Variants in RBBP8 observed in about 807,000 individuals in gnomAD.
The protein encoded by RBBP8 is DNA endonuclease RBBP8.
In RBBP8, 88 loss-of-function variants were observed where a neutral mutation model predicts 108.3. That is an observed-to-expected ratio of 0.81 (90% CI 0.68 to 0.97). The LOEUF is 0.97. RBBP8 is among the 50% of genes least tolerant of loss of function. The probability of loss-of-function intolerance (pLI) is 0.00; values close to 1 mark genes in which losing one functional copy is unlikely to be tolerated. For missense variants in RBBP8, 1,023 were observed against 1,049.0 expected, an observed-to-expected ratio of 0.98 and a Z score of 0.34; for synonymous variants, 332 against 348.2, an observed-to-expected ratio of 0.95 and a Z score of 0.52.
intron 2 of RBBP8, 136 bp from the exon 3 acceptor site, chr18:22,946,308 A>C: frequency 3.5e-6 from 4 of 1,142,582 alleles, no homozygotes; most frequent in East Asian, 2.6e-5. Flanking sequence ...TGCAGAGTAC[A>C]CGTAAGGGGC....
At chr18:23,012,691 A>G (rs1228721815) in intron 16 of RBBP8, among the ~76,000 whole-genome samples, 1 of 152,260 alleles carries the variant, frequency 6.6e-6, no homozygotes, top group African/African-American at 2.4e-5. Context: ...AAGTACTGAT[A>G]TAGAAGCTGT....
Position 23,001,663 on chromosome 18 carries a change from G to T in RBBP8, c.2221G>T (p.Ala741Ser). 6.2e-7 allele frequency: 1 copy of T among 1,614,068 alleles called. No homozygotes were observed. The highest frequency in any genetic ancestry group is 1.1e-5 in the South Asian group (1 of 91,070). ...TTHEEYESCL[A>S]DSFSQAADEE... ...ACATGAAGAGTATGAATCCTGTTTG[G>T]CAGACAGTTTCTCCCAAGCAGCAGA... Residue 741 changes from alanine (A) to serine (S), a missense_variant, in exon 15 of 19, where the codon GCA becomes TCA. Ala to Ser is a moderately conservative substitution (Grantham distance 99). Transcript: ENST00000327155.
chr18:22,965,684 G>C (rs1341360764), intron 4 of RBBP8, among the ~76,000 whole-genome samples: 2 of 150,542 alleles, frequency 1.3e-5, no homozygotes, highest in African/African-American at 5.0e-5. Flanking sequence ...GATGTCAAAG[G>C]GGTAATCACT....
intron 4 of RBBP8, among the ~76,000 whole-genome samples, chr18:22,953,811 T>A (rs1264755426): frequency 6.6e-6 from 1 of 151,990 alleles, no homozygotes; most frequent in Non-Finnish European, 1.5e-5. Flanking sequence ...GATTGGGTAG[T>A]TTATAAAGAA....
At chr18:22,983,177 A>G (rs1176819384) in intron 7 of RBBP8, among the ~76,000 whole-genome samples, 1 of 152,212 alleles carries the variant, frequency 6.6e-6, no homozygotes, top group Non-Finnish European at 1.5e-5. Context: ...TACAAGTATT[A>G]CTTTTAGTAT....
At chr18:22,989,360 A>T (rs755628468) in intron 9 of RBBP8, 42 bp downstream of exon 9, 9 of 1,405,964 alleles carry the variant, frequency 6.4e-6, no homozygotes, top group Non-Finnish European at 9.0e-6. Flanking sequence ...AATTAATTTT[A>T]TGTCTTTTTA....
At chr18:23,022,083 C>T (rs374564683) in intron 17 of RBBP8, 46 bp from the exon 18 acceptor site, 38 of 1,431,288 alleles carry the variant, frequency 2.7e-5, no homozygotes, top group African/African-American at 1.4e-4. Context: ...CATAACACTC[C>T]ATTTATTATT....
At chr18:22,996,834 A>G (rs1285536170) in intron 13 of RBBP8, among the ~76,000 whole-genome samples, 1 of 152,194 alleles carries the variant, frequency 6.6e-6, no homozygotes, top group Non-Finnish European at 1.5e-5. Context: ...CTGTCTCTAT[A>G]GGAAATTTTA....
chr18:22,968,850 A>T lies in RBBP8; in HGVS notation c.293A>T (p.His98Leu). 6.2e-7 allele frequency: 1 copy of T among 1,613,656 alleles called. No individual in the cohort carries two copies. Among genetic ancestry groups the T allele is most frequent in the Non-Finnish European group, 8.5e-7 (1 of 1,179,714 alleles). ...GATCGCTGTGCAGTAACTGAAGAAC[A>T]TATGCGGAAAAAACAGCAAGAGTTT... ...LCDRCAVTEE[H>L]MRKKQQEFEN... is the part of the protein sequence containing the mutation. The change falls in exon 5 of 19, where the codon CAT becomes CTT. Residue 98 changes from histidine to leucine, a missense_variant. Physicochemically the swap from His to Leu is moderately conservative, Grantham distance 99 (BLOSUM62 -3). Transcript: ENST00000327155.
chr18:22,981,395 G>C (rs1295294964), intron 6 of RBBP8, among the ~76,000 whole-genome samples: 2 of 152,164 alleles, frequency 1.3e-5, no homozygotes, highest in African/African-American at 4.8e-5. Flanking sequence ...TAACACATTT[G>C]GTTAACAATG....
At chr18:22,923,107 AAC>A (rs1245030747) in intron 3 of RBBP8, among the ~76,000 whole-genome samples, 2 of 152,176 alleles carry the variant, frequency 1.3e-5, no homozygotes, top group African/African-American at 2.4e-5. Flanking sequence ...TACCGTTAAC[AAC>A]AGTTTCTTAC....
At chr18:22,937,894 C>T (rs1323875315) in intron 2 of RBBP8, among the ~76,000 whole-genome samples, 1 of 151,462 alleles carries the variant, frequency 6.6e-6, no homozygotes, top group African/African-American at 2.4e-5. Flanking sequence ...GGTATGGTCA[C>T]AGCTCACTGC....
intron 17 of RBBP8, among the ~76,000 whole-genome samples, chr18:23,019,615 CTTATAGTTAT>C (rs998420746): frequency 6.6e-6 from 1 of 152,142 alleles, no homozygotes; most frequent in Non-Finnish European, 1.5e-5. Flanking sequence ...GTCCTGAGAT[CTTATAGTTAT>C]TCACTACTTT....
In RBBP8 at chr18:22,992,809, C is replaced by T. The variant is rs1915787137; in HGVS notation, c.982C>T (p.Pro328Ser). ...AGAATTACCTACTCGAGTGTCATCT[C>T]CTGTATTTGGAGCTACCTCTAGTAT... is the stretch of plus-strand genomic sequence containing the variant. ...QEELPTRVSS[P>S]VFGATSSIKS... is the part of the protein sequence containing the mutation. The change falls in exon 11 of 19, where the codon CCT becomes TCT. Residue 328 changes from proline (P) to serine (S), a missense_variant. By Grantham distance (74) the Pro-to-Ser change is moderately conservative. Transcript: ENST00000327155. 6.2e-7 allele frequency: 1 copy of T among 1,607,594 alleles called. No individual in the cohort carries two copies. Among genetic ancestry groups the T allele is most frequent in the Non-Finnish European group, 8.5e-7 (1 of 1,174,400 alleles).
chr18:22,926,965 A>G (rs1909812187), intron 3 of RBBP8, among the ~76,000 whole-genome samples: 1 of 152,214 alleles, frequency 6.6e-6, no homozygotes, highest in Admixed American at 6.5e-5. Flanking sequence ...TCATAAACAA[A>G]ACATTTTGGC....
intron 2 of RBBP8, among the ~76,000 whole-genome samples, chr18:22,939,558 T>C (rs571057686): frequency 1.3e-5 from 2 of 152,278 alleles, no homozygotes; most frequent in South Asian, 4.1e-4. Context: ...ATGGTAAGTT[T>C]AGTTTCTTGC....
At chr18:23,024,389 A>G (rs900161287) in intron 18 of RBBP8, among the ~76,000 whole-genome samples, 1 of 152,240 alleles carries the variant, frequency 6.6e-6, no homozygotes, top group Non-Finnish European at 1.5e-5. Flanking sequence ...AACATGAGCT[A>G]AATACTGACA....
intron 6 of RBBP8, among the ~76,000 whole-genome samples, chr18:22,979,211 G>T (rs549668909): frequency 6.6e-6 from 1 of 152,168 alleles, no homozygotes; most frequent in Non-Finnish European, 1.5e-5. Context: ...GTTGCAGTGC[G>T]CTGAGATCGC....
At chr18:22,965,243 TA>T (rs1913478958) in intron 4 of RBBP8, among the ~76,000 whole-genome samples, 1 of 152,160 alleles carries the variant, frequency 6.6e-6, no homozygotes. Flanking sequence ...TCTTATAATT[TA>T]TAAGCATTTC....
Sources: gnomAD v4.1 joint callset for allele counts (sites outside exome capture counted in the v4.1 genomes callset) on GRCh38, gnomAD v4.1.1 for gene constraint, MANE v1.5 for transcripts, NCBI Gene and HGNC (gene_info 2026-07-23, HGNC 2026-07-21) for gene names.